Variants in RBFOX1 observed in about 807,000 individuals in gnomAD.
RBFOX1 encodes the protein RNA binding protein fox-1 homolog 1.
In RBFOX1, 8 loss-of-function variants were observed where a neutral mutation model predicts 57.7. That is an observed-to-expected ratio of 0.14 (90% CI 0.08 to 0.25). The LOEUF (loss-of-function observed/expected upper bound fraction) is 0.25, where lower values mean the gene tolerates loss of function less well. Ranked by LOEUF, RBFOX1 falls within the 10% of genes least tolerant of loss-of-function variation. The pLI, the probability that RBFOX1 is intolerant of heterozygous loss-of-function variation, is 1.00. For missense variants in RBFOX1, 611 were observed against 548.5 expected (o/e 1.11, Z -1.14); for synonymous variants, 326 against 222.4 (o/e 1.47, Z -4.15).
At chr16:6,242,626 G>GAAAACA (rs1297988672) in intron 1 of RBFOX1, among the ~76,000 whole-genome samples, 4 of 59,292 alleles carry the variant, frequency 6.7e-5, no homozygotes, top group African/African-American at 2.6e-4. Context: ...ATAATTTATT[G>GAAAACA]CAAACACACA....
chr16:7,458,962 C>G (rs1379482533), intron 4 of RBFOX1, among the ~76,000 whole-genome samples: 1 of 152,154 alleles, frequency 6.6e-6, no homozygotes, highest in Non-Finnish European at 1.5e-5. Context: ...CTTGCAGTGC[C>G]TTTCACAAAG....
intron 14 of RBFOX1, 27 bp downstream of exon 14, chr16:7,676,865 CAACTACTTGTA>C (rs754702854): frequency 6.3e-7 from 1 of 1,582,990 alleles, no homozygotes; most frequent in Non-Finnish European, 8.7e-7. Flanking sequence ...TTGTGCTTGA[CAACTACTTGTA>C]AATTAACTTA....
intron 4 of RBFOX1, among the ~76,000 whole-genome samples, chr16:7,459,982 A>G (rs1451161121): frequency 6.6e-6 from 1 of 152,170 alleles, no homozygotes; most frequent in Non-Finnish European, 1.5e-5. Context: ...GAAAATGGAA[A>G]TAAAATTAGT....
intron 5 of RBFOX1, among the ~76,000 whole-genome samples, chr16:7,547,006 C>G (rs138666985): frequency 1.4e-3 from 219 of 152,062 alleles, no homozygotes; most frequent in African/African-American, 5.0e-3. Context: ...AAAGATCATA[C>G]CAATTTAAAC....
chr16:7,291,610 T>C (rs147882608), intron 4 of RBFOX1, among the ~76,000 whole-genome samples: 192 of 152,066 alleles, frequency 1.3e-3, no homozygotes, highest in Middle Eastern at 3.4e-3. Flanking sequence ...GGTAAGTCAA[T>C]AGAGGAAGAG....
At chr16:5,561,966 C>T (rs753707623) in intron 2 of RBFOX1, among the ~76,000 whole-genome samples, 1 of 152,164 alleles carries the variant, frequency 6.6e-6, no homozygotes, top group East Asian at 1.9e-4. Context: ...TCGGTTCATT[C>T]ATTGGTTAAT....
Position 7,216,700 on chromosome 16 carries a change from T to C in RBFOX1, c.27+164602T>C, listed in dbSNP as rs529820886. ...AAAACCCACAAACAAACCGAGACAATGAGTGTAGCACAGCACATAGAATGT... is the reference window on the plus strand; with the variant it reads ...AAAACCCACAAACAAACCGAGACAACGAGTGTAGCACAGCACATAGAATGT... On this transcript the variant is annotated intron_variant, in intron 4 of 15. Coordinates refer to ENST00000550418, the MANE Select transcript of RBFOX1 (RefSeq NM_018723.4). Among the ~76,000 whole-genome samples, 36 of 152,024 alleles carry C rather than the reference T, an allele frequency of 2.4e-4. 1 individual carries two copies. The South Asian group carries it at 6.7e-3, about 28-fold the overall frequency.
At chr16:5,445,206 G>T (rs566262237) in intron 1 of RBFOX1, among the ~76,000 whole-genome samples, 1 of 152,342 alleles carries the variant, frequency 6.6e-6, no homozygotes, top group South Asian at 2.1e-4. Flanking sequence ...GATATTGTGA[G>T]GGACGTGGGA....
At chr16:5,955,347 AAAATAAATAAAAATAAAAT>A (rs2059611763) in intron 4 of RBFOX1, among the ~76,000 whole-genome samples, 301 of 21,456 alleles carry the variant, frequency 0.014, no homozygotes, top group Admixed American at 0.018. Flanking sequence ...AAAATAAAAT[AAAATAAATAAAAATAAAAT>A]AAAATAAAAT....
At chr16:7,292,987 A>G (rs1184415123) in intron 4 of RBFOX1, among the ~76,000 whole-genome samples, 1 of 152,120 alleles carries the variant, frequency 6.6e-6, no homozygotes, top group Non-Finnish European at 1.5e-5. Context: ...TCTCAAAAAG[A>G]AAAGAGGGAA....
intron 1 of RBFOX1, chr16:5,366,359 G>C: frequency 2.7e-6 from 1 of 369,074 alleles, no homozygotes. Context: ...TTGATAATGA[G>C]AAAACTGAAG....
chr16:5,384,488 G>C (rs513312), intron 1 of RBFOX1, among the ~76,000 whole-genome samples: 1 of 152,044 alleles, frequency 6.6e-6, no homozygotes, highest in East Asian at 1.9e-4. Flanking sequence ...GTTTTGAAGG[G>C]TGCATAGGAG....
intron 4 of RBFOX1, among the ~76,000 whole-genome samples, chr16:5,977,001 C>G (rs2060076946): frequency 6.6e-6 from 1 of 152,164 alleles, no homozygotes; most frequent in African/African-American, 2.4e-5. Context: ...ACACCTCTGC[C>G]AGCATCACCT....
At position 5,903,630 on chromosome 16, in the gene RBFOX1, C is replaced by G. The variant is rs112895114; in HGVS notation, c.351+36295C>G. Among the ~76,000 whole-genome samples the G allele has an allele frequency of 5.6e-3, 852 of 152,212 alleles. 10 individuals carry two copies. Among genetic ancestry groups the G allele is most frequent in the African/African-American group, 0.02 (814 of 41,534 alleles). On this transcript the variant is annotated intron_variant, in intron 4 of 19. Coordinates refer to the RBFOX1 transcript ENST00000641259. The stretch of plus-strand genomic sequence containing the variant: ...TGCCCCCATTAGACCTATGAGAACT[C>G]AGAGGCTGAAAAAAAGTCTATGTGT...
At chr16:6,968,299 C>T (rs956945666) in intron 3 of RBFOX1, among the ~76,000 whole-genome samples, 6 of 152,216 alleles carry the variant, frequency 3.9e-5, no homozygotes, top group Non-Finnish European at 8.8e-5. Flanking sequence ...GAAAAGCAGC[C>T]TGGTGAAATT....
intron 4 of RBFOX1, among the ~76,000 whole-genome samples, chr16:7,204,201 A>G (rs12924145): frequency 0.29 from 44,412 of 152,172 alleles, 6,702 homozygotes; most frequent in Non-Finnish European, 0.32. Flanking sequence ...TCCATTCTCA[A>G]TGAACCATCT....
chr16:7,038,205 C>G (rs114938529), intron 3 of RBFOX1, among the ~76,000 whole-genome samples: 7 of 152,002 alleles, frequency 4.6e-5, no homozygotes, highest in Admixed American at 3.9e-4. Flanking sequence ...CCCAGGAGAC[C>G]GGTTCAGGGA....
intron 1 of RBFOX1, among the ~76,000 whole-genome samples, chr16:6,307,901 A>ATTG (rs56157541): frequency 0.33 from 48,162 of 146,642 alleles, 8,257 homozygotes; most frequent in African/African-American, 0.44. Flanking sequence ...ATTTATTTGG[A>ATTG]TTATTTACAT....
At chr16:7,178,830 G>T (rs1354833615) in intron 4 of RBFOX1, among the ~76,000 whole-genome samples, 1 of 152,176 alleles carries the variant, frequency 6.6e-6, no homozygotes, top group East Asian at 1.9e-4. Flanking sequence ...TATTCTGCAA[G>T]TTATGTATAA....
Sources: gnomAD v4.1 joint callset for allele counts (sites outside exome capture counted in the v4.1 genomes callset) on GRCh38, gnomAD v4.1.1 for gene constraint, MANE v1.5 for transcripts, NCBI Gene and HGNC (gene_info 2026-07-23, HGNC 2026-07-21) for gene names.